Variants in GCM2 observed in about 807,000 individuals in gnomAD.
The protein encoded by GCM2 is GCM transcription factor 2, also known as chorion-specific transcription factor GCMb.
In GCM2, 21 loss-of-function variants were observed where a neutral mutation model predicts 24.8. That is an observed-to-expected ratio of 0.85 (90% CI 0.60 to 1.22). The LOEUF is 1.22. Ranked by LOEUF, GCM2 falls within the 50% of genes most tolerant of loss-of-function variation. The pLI is 0.00. For synonymous variants in GCM2, 222 were observed against 238.0 expected, an observed-to-expected ratio of 0.93 and a Z score of 0.62; for missense variants, 532 against 645.6, an observed-to-expected ratio of 0.82 and a Z score of 1.91.
At chr6:10,876,862 A>C (rs1779888462) in intron 2 of GCM2, among the ~76,000 whole-genome samples, 1 of 152,172 alleles carries the variant, frequency 6.6e-6, no homozygotes, top group Non-Finnish European at 1.5e-5. Flanking sequence ...TCGGGAGTTC[A>C]AGACCAGCCT....
At position 10,877,404 on chromosome 6, in the gene GCM2, C is replaced by G; in HGVS notation, c.91-12G>C. 6.2e-7 allele frequency: 1 copy of G among 1,614,058 alleles called. No homozygotes were observed. Among genetic ancestry groups the G allele is most frequent in the East Asian group, 2.2e-5 (1 of 44,890 alleles). On this transcript the variant is annotated splice_polypyrimidine_tract_variant and intron_variant, in intron 1 of 4. Transcript: ENST00000379491. ...AAGAGGGCCAGCTCCTGGAAGAGTGCAGAAGGAAGGGTGGTCAGTCTATCC... is the reference window on the plus strand; with the variant it reads ...AAGAGGGCCAGCTCCTGGAAGAGTGGAGAAGGAAGGGTGGTCAGTCTATCC...
rs149978037 is a variant in GCM2 at position 10,880,250 on chromosome 6, C to T, written c.90+1454G>A. Among the ~76,000 whole-genome samples the T allele has an allele frequency of 8.6e-4, 130 of 151,484 alleles. 1 individual carries two copies. The highest frequency in any genetic ancestry group is 3.1e-3 in the African/African-American group (126 of 41,132). On this transcript the variant is annotated intron_variant, in intron 1 of 4. Coordinates refer to ENST00000379491, the MANE Select transcript of GCM2 (RefSeq NM_004752.4). ...AGCCTAGGCAACAAGAGCTAAACCC[C>T]GCCTCAAAAAACAAACAAACAACAA...
At chr6:10,878,647 G>A (rs1054068291) in intron 1 of GCM2, among the ~76,000 whole-genome samples, 2 of 152,036 alleles carry the variant, frequency 1.3e-5, no homozygotes, top group African/African-American at 4.8e-5. Context: ...GTAATGTTTA[G>A]GGCTGCTTTC....
intron 3 of GCM2, 80 bp from the exon 4 acceptor site, chr6:10,876,096 T>G (rs748625174): frequency 2.6e-5 from 36 of 1,394,910 alleles, no homozygotes; most frequent in Non-Finnish European, 3.7e-5. Flanking sequence ...GATCATGCCT[T>G]TCCCAACATC....
Position 10,875,971 on chromosome 6 carries a change from T to A in GCM2, c.502A>T (p.Thr168Ser). Residue 168 changes from threonine to serine, a missense_variant, in exon 4 of 5, where the codon ACA becomes TCA. Around this residue, in one of 3 missense-constraint regions of GCM2, gnomAD observed 434 missense variants for 521.9 expected, o/e 0.83. Coordinates refer to ENST00000379491, the MANE Select transcript of GCM2 (RefSeq NM_004752.4). ...DHPRPESKSE[T>S]EARRSAIKRQ... ...TTGATGGCGCTTCTTCTAGCTTCTG[T>A]CTCTGATTTGCTCTCTGGTCTTGGA... 1 of 1,613,822 alleles carries A rather than the reference T, an allele frequency of 6.2e-7. No individual in the cohort carries two copies. Among genetic ancestry groups the A allele is most frequent in the Non-Finnish European group, 8.5e-7 (1 of 1,179,698 alleles).
intron 1 of GCM2, among the ~76,000 whole-genome samples, chr6:10,878,604 C>G (rs1161281358): frequency 1.3e-5 from 2 of 152,190 alleles, no homozygotes; most frequent in Non-Finnish European, 2.9e-5. Context: ...AGGCATAAGC[C>G]ACCATGCCCG....
At position 10,873,775 on chromosome 6, in the gene GCM2, T is replaced by C; in HGVS notation, c.*220A>G. The C allele has an allele frequency of 1.7e-6, 1 of 601,624 alleles. No homozygotes were observed. 37.3% of individuals were successfully genotyped at this position (601,624 alleles called of 1,614,324 possible). On this transcript the variant is annotated 3_prime_UTR_variant, in exon 5 of 5. Coordinates refer to ENST00000379491, the MANE Select transcript of GCM2 (RefSeq NM_004752.4). ...AGAGACTCACACTTTCCTCACTACT[T>C]CTATGTATTGTAGCCAGTTTCAAAA... is the stretch of plus-strand genomic sequence containing the variant.
rs765175150 is a variant in GCM2, at chr6:10,875,920, G to A, written c.553C>T (p.Pro185Ser). ...IKRQMASFYQ[P>S]QKKRIRESEA... ...GATTCTCGAATTCTCTTTTTCTGGG[G>A]TTGGTAGAAAGAGGCCATTTGTCTC... The change falls in exon 4 of 5, where the codon CCC (proline) becomes TCC (serine). Residue 185 changes from proline (P) to serine (S), a missense_variant. Physicochemically the swap from Pro to Ser is moderately conservative, Grantham distance 74 (BLOSUM62 -1). Around this residue, in one of 3 missense-constraint regions of GCM2, gnomAD observed 434 missense variants for 521.9 expected, o/e 0.83. Coordinates refer to ENST00000379491, the MANE Select transcript of GCM2 (RefSeq NM_004752.4). 36 of 1,613,830 alleles carry A rather than the reference G, an allele frequency of 2.2e-5. No homozygotes were observed. The South Asian group carries it at 3.7e-4, about 17-fold the overall frequency.
At chr6:10,876,611 G>T in intron 2 of GCM2, 54 bp from the exon 3 acceptor site, 3 of 1,193,126 alleles carry the variant, frequency 2.5e-6, no homozygotes, top group Non-Finnish European at 3.7e-6. Context: ...CCTTCTGAAG[G>T]AAGAAGGGGA....
At chr6:10,880,504 G>A (rs1340163128) in intron 1 of GCM2, among the ~76,000 whole-genome samples, 3 of 151,950 alleles carry the variant, frequency 2.0e-5, no homozygotes, top group African/African-American at 7.3e-5. Context: ...CAAATGGCAG[G>A]GAAGCAACTC....
rs745649479 is a variant in GCM2 at position 10,876,471 on chromosome 6, G to T, written c.430C>A (p.Leu144Ile). The T allele has an allele frequency of 3.1e-6, 5 of 1,613,176 alleles. No homozygotes were observed. The highest frequency in any genetic ancestry group is 4.2e-6 in the Non-Finnish European group (5 of 1,179,118). Residue 144 changes from leucine to isoleucine, a missense_variant, in exon 3 of 5, where the codon CTT becomes ATT. Physicochemically the swap from Leu to Ile is conservative, Grantham distance 5. Coordinates refer to ENST00000379491, the MANE Select transcript of GCM2 (RefSeq NM_004752.4). Reference protein sequence around the residue: ...SGYPVTNFWRLDGNAIFFQAK... With the variant: ...SGYPVTNFWRIDGNAIFFQAK... ...TGAAAAAAGATCGCGTTGCCATCAAGCCGCCAAAAGTTGGTTACGGGGTAT... is the reference window on the plus strand; with the variant it reads ...TGAAAAAAGATCGCGTTGCCATCAATCCGCCAAAAGTTGGTTACGGGGTAT...
chr6:10,879,946 A>T (rs1209707233), intron 1 of GCM2, among the ~76,000 whole-genome samples: 4 of 152,152 alleles, frequency 2.6e-5, no homozygotes. Context: ...GTGACTCTAA[A>T]GTAGGCAGAC....
At chr6:10,876,361 G>T in intron 3 of GCM2, 84 bp downstream of exon 3, 2 of 931,390 alleles carry the variant, frequency 2.1e-6, no homozygotes, top group Admixed American at 1.8e-5. Context: ...TTGGCCCAGG[G>T]TTCCCAAGGC....
At chr6:10,881,556 GTGTGTGTGTGTGTGT>G (rs1561673708) in intron 1 of GCM2, 133 bp downstream of exon 1, 107 of 6,590 alleles carry the variant, frequency 0.016, 21 homozygotes, top group Middle Eastern at 0.15. Context: ...TTGCGGGTAT[GTGTGTGTGTGTGTGT>G]GTGTGTGTGT....
At position 10,881,694 on chromosome 6, in the gene GCM2, G is replaced by A; in HGVS notation, c.90+10C>T. The A allele has an allele frequency of 6.2e-7, 1 of 1,604,202 alleles. No individual in the cohort carries two copies. Among genetic ancestry groups the A allele is most frequent in the Non-Finnish European group, 8.5e-7 (1 of 1,173,630 alleles). ...CGCCCCGCGTGCCCGCACACACCCG[G>A]TTCACTTACCTGAGGCATCTGCGGA... On this transcript the variant is annotated intron_variant, in intron 1 of 4. Coordinates refer to ENST00000379491, the MANE Select transcript of GCM2 (RefSeq NM_004752.4).
intron 4 of GCM2, among the ~76,000 whole-genome samples, chr6:10,875,160 G>C (rs1004389494): frequency 3.9e-5 from 6 of 152,166 alleles, no homozygotes; most frequent in African/African-American, 1.4e-4. Context: ...GTCCATGGTA[G>C]CCAGGTAGGA....
chr6:10,875,828 C>CGATCA, intron 4 of GCM2, 63 bp downstream of exon 4: 1 of 1,534,342 alleles, frequency 6.5e-7, no homozygotes, highest in Non-Finnish European at 9.0e-7. Flanking sequence ...TTTTGCATAA[C>CGATCA]GATCAGCGTA....
chr6:10,876,048 G>T (rs763070280), intron 3 of GCM2, 32 bp from the exon 4 acceptor site: 15 of 1,612,782 alleles, frequency 9.3e-6, no homozygotes, highest in Non-Finnish European at 1.2e-5. Context: ...TCATACATTT[G>T]TGCCTCTAAA....
At chr6:10,876,901 TA>T (rs1360069206) in intron 2 of GCM2, among the ~76,000 whole-genome samples, 19 of 152,010 alleles carry the variant, frequency 1.2e-4, no homozygotes, top group African/African-American at 4.6e-4. Flanking sequence ...CTGTCTCTAC[TA>T]AAAATGCAAA....
Sources: allele counts gnomAD v4.1 joint callset (sites outside exome capture counted in the v4.1 genomes callset), GRCh38; gene constraint gnomAD v4.1.1; regional missense constraint gnomAD v4.1.1; transcripts MANE v1.5; gene names NCBI Gene and HGNC (gene_info 2026-07-23, HGNC 2026-07-21).